Variants in CMSS1 observed in about 807,000 individuals in gnomAD.
The protein encoded by CMSS1 is cms1 ribosomal small subunit homolog, also known as protein CMSS1.
CMSS1 carries 33 observed loss-of-function variants against 43.5 expected under a neutral mutation model. The observed-to-expected ratio is 0.76, with a 90% CI of 0.57 to 1.01. The LOEUF is 1.01. Among genes scored for constraint, CMSS1 ranks in the 50% least tolerant of loss-of-function variants. The pLI is 0.00. For synonymous variants in CMSS1, 115 were observed against 117.2 expected, an observed-to-expected ratio of 0.98 and a Z score of 0.12; for missense variants, 313 against 326.4, an observed-to-expected ratio of 0.96 and a Z score of 0.32.
intron 1 of CMSS1, among the ~76,000 whole-genome samples, chr3:99,984,060 T>TGTGTGTG (rs1559714079): frequency 1.2e-4 from 3 of 24,978 alleles, no homozygotes; most frequent in African/African-American, 4.6e-4. Context: ...GTATGTGTGT[T>TGTGTGTG]TGTGTGTGTG....
chr3:100,165,382 C>T (rs2067057781), intron 4 of CMSS1, among the ~76,000 whole-genome samples: 1 of 152,018 alleles, frequency 6.6e-6, no homozygotes, highest in South Asian at 2.1e-4. Context: ...ACATTATTCT[C>T]ATTCTTCCCT....
chr3:99,951,912 C>T (rs1708187521), intron 1 of CMSS1, among the ~76,000 whole-genome samples: 2 of 152,312 alleles, frequency 1.3e-5, no homozygotes, highest in South Asian at 2.1e-4. Flanking sequence ...CCATATTTTG[C>T]TGACCCTTGC....
At chr3:100,088,528 G>T (rs1282094623) in intron 1 of CMSS1, among the ~76,000 whole-genome samples, 1 of 152,134 alleles carries the variant, frequency 6.6e-6, no homozygotes, top group Non-Finnish European at 1.5e-5. Context: ...TGAATATTCT[G>T]CACATTAATA....
At position 99,945,263 on chromosome 3, in the gene CMSS1, C is replaced by T. The variant is rs529800725; in HGVS notation, c.64+127220C>T. On this transcript the variant is annotated intron_variant, in intron 1 of 9. Coordinates refer to ENST00000421999, the MANE Select transcript of CMSS1 (RefSeq NM_032359.4). ...CCACCCTTTCCAAAGTCCCACTCAT[C>T]GCTACGAAGGAGTGCTTTCCCCATA... 2.3e-3 allele frequency among the ~76,000 whole-genome samples: 345 copies of T among 152,318 alleles called. 1 individual carries two copies. The highest frequency in any genetic ancestry group is 8.0e-3 in the African/African-American group (331 of 41,572).
chr3:99,964,296 G>T (rs952941366), intron 1 of CMSS1: 11 of 150,596 alleles, frequency 7.3e-5, no homozygotes, highest in African/African-American at 2.7e-4. Context: ...TAGGGACAGT[G>T]TCTGTGTCTA....
intron 1 of CMSS1, among the ~76,000 whole-genome samples, chr3:99,931,593 C>G (rs150719435): frequency 9.1e-4 from 138 of 152,202 alleles, no homozygotes; most frequent in African/African-American, 3.0e-3. Context: ...AAGGCCAAGT[C>G]TAGTATTAAA....
chr3:100,082,120 T>C (rs2065941654), intron 1 of CMSS1, among the ~76,000 whole-genome samples: 1 of 152,244 alleles, frequency 6.6e-6, no homozygotes. Flanking sequence ...GTTCAGTCTT[T>C]AAAATGAAAT....
intron 1 of CMSS1, among the ~76,000 whole-genome samples, chr3:99,854,694 T>G (rs1406344545): frequency 6.6e-6 from 1 of 152,004 alleles, no homozygotes; most frequent in Admixed American, 6.6e-5. Flanking sequence ...TGGGGGGCAG[T>G]CACCTCCAGT....
chr3:100,035,010 G>A (rs1250442966), intron 1 of CMSS1, among the ~76,000 whole-genome samples: 3 of 152,136 alleles, frequency 2.0e-5, no homozygotes, highest in Non-Finnish European at 4.4e-5. Flanking sequence ...CATGTAGTCA[G>A]CAAAATGCTA....
chr3:100,077,863 G>A (rs182582950), intron 1 of CMSS1, among the ~76,000 whole-genome samples: 6 of 152,018 alleles, frequency 3.9e-5, no homozygotes, highest in African/African-American at 9.7e-5. Context: ...AGCTGTGTTC[G>A]CATCACTACA....
At chr3:99,972,436 C>T (rs1708850608) in intron 1 of CMSS1, among the ~76,000 whole-genome samples, 1 of 152,178 alleles carries the variant, frequency 6.6e-6, no homozygotes, top group African/African-American at 2.4e-5. Flanking sequence ...GGAAACGTCC[C>T]CGTCCCCATT....
chr3:100,102,244 A>G (rs2066321760), intron 1 of CMSS1, among the ~76,000 whole-genome samples: 1 of 152,206 alleles, frequency 6.6e-6, no homozygotes, highest in Non-Finnish European at 1.5e-5. Context: ...TCAACAGTGT[A>G]AAAGTGTTCC....
At chr3:100,091,284 CAA>C (rs570908389) in intron 1 of CMSS1, among the ~76,000 whole-genome samples, 13 of 59,080 alleles carry the variant, frequency 2.2e-4, no homozygotes, top group East Asian at 5.5e-4. Context: ...GACTCCGTCT[CAA>C]AAAAAAAAAA....
chr3:99,966,365 A>C (rs984462986), intron 1 of CMSS1, among the ~76,000 whole-genome samples: 6 of 152,030 alleles, frequency 3.9e-5, no homozygotes, highest in Non-Finnish European at 8.8e-5. Context: ...GCTCCATCTG[A>C]AGCCTGAACC....
chr3:99,976,174 C>G (rs1374760985), intron 1 of CMSS1, among the ~76,000 whole-genome samples: 1 of 152,110 alleles, frequency 6.6e-6, no homozygotes, highest in Non-Finnish European at 1.5e-5. Context: ...GCACCTGGCC[C>G]AGTGTCTCTT....
intron 5 of CMSS1, 54 bp from the exon 6 acceptor site, chr3:100,167,684 G>GGT: frequency 9.2e-7 from 1 of 1,091,780 alleles, no homozygotes; most frequent in South Asian, 1.4e-5. Context: ...CAACTTGGGA[G>GGT]GTGTGCCCTG....
intron 1 of CMSS1, among the ~76,000 whole-genome samples, chr3:99,975,594 A>C (rs920628258): frequency 2.0e-5 from 3 of 152,168 alleles, no homozygotes; most frequent in African/African-American, 7.2e-5. Context: ...TCAAAAAAAA[A>C]AAAAATTGAT....
intron 1 of CMSS1, among the ~76,000 whole-genome samples, chr3:99,983,462 G>GTATATATATA (rs1466852207): frequency 8.3e-5 from 1 of 11,996 alleles, no homozygotes; most frequent in Non-Finnish European, 2.0e-4. Flanking sequence ...ATATATATGT[G>GTATATATATA]TGTATATATA....
At position 99,917,004 on chromosome 3, in the gene CMSS1, T is replaced by C. The variant is rs879081824; in HGVS notation, c.64+98961T>C. Among the ~76,000 whole-genome samples, 7 of 152,230 alleles carry C rather than the reference T, an allele frequency of 4.6e-5. 1 individual carries two copies. Among genetic ancestry groups the C allele is most frequent in the African/African-American group, 1.7e-4 (7 of 41,458 alleles). On this transcript the variant is annotated intron_variant, in intron 1 of 9. Coordinates refer to ENST00000421999, the MANE Select transcript of CMSS1 (RefSeq NM_032359.4). ...TGAGGCAAAAATTTCTATTTTGATA[T>C]GGTTTAGTGGCTCTTATTCCTCTTT...
Sources: gnomAD v4.1 joint callset for allele counts (sites outside exome capture counted in the v4.1 genomes callset) on GRCh38, gnomAD v4.1.1 for gene constraint, MANE v1.5 for transcripts, NCBI Gene and HGNC (gene_info 2026-07-23, HGNC 2026-07-21) for gene names.